The following CERS6 variants were observed in gnomAD, a reference collection of about 807,000 sequenced individuals.
The protein encoded by CERS6 is ceramide synthase 6.
Under a neutral mutation model 56.8 loss-of-function variants are expected in CERS6, and 26 were observed. That is an observed-to-expected ratio of 0.46 (90% CI 0.34 to 0.63). The LOEUF (loss-of-function observed/expected upper bound fraction) is 0.63, where lower values mean the gene tolerates loss of function less well. Among genes scored for constraint, CERS6 ranks in the 30% least tolerant of loss-of-function variants. The pLI, the probability that CERS6 is intolerant of heterozygous loss-of-function variation, is 0.01. For missense variants in CERS6, 415 were observed against 467.5 expected, an observed-to-expected ratio of 0.89 and a Z score of 1.04; for synonymous variants, 164 against 173.3, an observed-to-expected ratio of 0.95 and a Z score of 0.42.
At chr2:168,575,553 C>G (rs1406631520) in intron 3 of CERS6, among the ~76,000 whole-genome samples, 1 of 152,056 alleles carries the variant, frequency 6.6e-6, no homozygotes, top group Non-Finnish European at 1.5e-5. Context: ...GGATTATATT[C>G]TGAGATGAGA....
chr2:168,531,058 A>G (rs985518145), intron 1 of CERS6, among the ~76,000 whole-genome samples: 10 of 152,228 alleles, frequency 6.6e-5, no homozygotes, highest in African/African-American at 2.4e-4. Context: ...AAAAAAAATT[A>G]AAGTTAGAAA....
chr2:168,675,997 T>A (rs1274355419), intron 4 of CERS6, among the ~76,000 whole-genome samples: 3 of 152,176 alleles, frequency 2.0e-5, no homozygotes, highest in Non-Finnish European at 4.4e-5. Flanking sequence ...AATAACCATT[T>A]TCTAAAACAA....
chr2:168,638,451 T>A (rs1684912289), intron 4 of CERS6, among the ~76,000 whole-genome samples: 1 of 151,172 alleles, frequency 6.6e-6, no homozygotes, highest in Non-Finnish European at 1.5e-5. Flanking sequence ...GTATCAAAAA[T>A]AAAACACATT....
chr2:168,604,851 CT>C (rs1215463660), intron 3 of CERS6, among the ~76,000 whole-genome samples: 1 of 152,144 alleles, frequency 6.6e-6, no homozygotes, highest in African/African-American at 2.4e-5. Flanking sequence ...AACCTCTTTT[CT>C]TTATAAATTA....
At chr2:168,469,031 T>C (rs1693932367) in intron 1 of CERS6, among the ~76,000 whole-genome samples, 1 of 152,242 alleles carries the variant, frequency 6.6e-6, no homozygotes. Flanking sequence ...TAGTGGATTA[T>C]CTTAATTTGA....
chr2:168,537,634 G>A (rs567414176), intron 1 of CERS6, among the ~76,000 whole-genome samples: 2 of 152,050 alleles, frequency 1.3e-5, no homozygotes, highest in East Asian at 3.9e-4. Flanking sequence ...GGGTTTCTTT[G>A]TACTCAGACA....
At chr2:168,745,413 T>C (rs1684070230) in intron 8 of CERS6, among the ~76,000 whole-genome samples, 1 of 152,072 alleles carries the variant, frequency 6.6e-6, no homozygotes, top group Non-Finnish European at 1.5e-5. Flanking sequence ...AGCTAATTTT[T>C]TGTATTTTTA....
chr2:168,503,196 C>T (rs781758672), intron 1 of CERS6, among the ~76,000 whole-genome samples: 32 of 152,126 alleles, frequency 2.1e-4, no homozygotes, highest in Non-Finnish European at 3.2e-4. Flanking sequence ...TCCCCTTCTG[C>T]CATGATTCTA....
At chr2:168,649,571 C>G (rs1052772880) in intron 4 of CERS6, among the ~76,000 whole-genome samples, 9 of 151,812 alleles carry the variant, frequency 5.9e-5, no homozygotes, top group African/African-American at 2.2e-4. Flanking sequence ...TTTTTTTAAC[C>G]AAGAAAAGCT....
intron 3 of CERS6, among the ~76,000 whole-genome samples, chr2:168,609,319 T>TA (rs1684129406): frequency 1.3e-5 from 2 of 152,302 alleles, no homozygotes; most frequent in South Asian, 2.1e-4. Flanking sequence ...TTACAAACTT[T>TA]AAAAAAATCT....
intron 1 of CERS6, among the ~76,000 whole-genome samples, chr2:168,475,613 T>C (rs116707655): frequency 0.017 from 2,630 of 152,300 alleles, 71 homozygotes; most frequent in African/African-American, 0.061. Context: ...GGAGTGATTA[T>C]ATATAATATT....
At chr2:168,459,988 C>G (rs184738977) in intron 1 of CERS6, among the ~76,000 whole-genome samples, 1,993 of 152,252 alleles carry the variant, frequency 0.013, 22 homozygotes, top group Non-Finnish European at 0.019. Context: ...GATCGGGAAT[C>G]AGAACACTCA....
intron 4 of CERS6, among the ~76,000 whole-genome samples, chr2:168,669,226 C>G (rs1290702570): frequency 2.0e-5 from 3 of 152,182 alleles, no homozygotes; most frequent in Non-Finnish European, 4.4e-5. Context: ...TTTCCTGGTG[C>G]AAGATGGCTG....
At chr2:168,713,961 G>A (rs1167328960) in intron 6 of CERS6, among the ~76,000 whole-genome samples, 1 of 152,060 alleles carries the variant, frequency 6.6e-6, no homozygotes, top group Non-Finnish European at 1.5e-5. Context: ...GGGCTGCTGT[G>A]GCAAAATACT....
chr2:168,570,940 A>T (rs941159166), intron 3 of CERS6, among the ~76,000 whole-genome samples: 1 of 152,198 alleles, frequency 6.6e-6, no homozygotes, highest in Non-Finnish European at 1.5e-5. Flanking sequence ...CAGAACTCAC[A>T]GGGACAATTG....
chr2:168,519,628 A>G (rs1241642921), intron 1 of CERS6, among the ~76,000 whole-genome samples: 3 of 152,174 alleles, frequency 2.0e-5, no homozygotes, highest in African/African-American at 4.8e-5. Flanking sequence ...TTCTGAGAAC[A>G]TGCAGTATTT....
intron 4 of CERS6, among the ~76,000 whole-genome samples, chr2:168,687,529 T>C (rs1686383062): frequency 6.6e-6 from 1 of 152,192 alleles, no homozygotes; most frequent in Non-Finnish European, 1.5e-5. Flanking sequence ...TGTTCTTTTA[T>C]AAATCTTTAA....
chr2:168,512,191 G>T (rs1312138121), intron 1 of CERS6, among the ~76,000 whole-genome samples: 1 of 152,154 alleles, frequency 6.6e-6, no homozygotes, highest in African/African-American at 2.4e-5. Flanking sequence ...GAGGAAAATG[G>T]TTAGTTACTA....
intron 8 of CERS6, among the ~76,000 whole-genome samples, chr2:168,755,936 C>G (rs543979311): frequency 6.6e-6 from 1 of 152,184 alleles, no homozygotes; most frequent in Non-Finnish European, 1.5e-5. Flanking sequence ...TTTTTCTCAC[C>G]TCTGCAAAAC....
Sources: gnomAD v4.1 joint callset for allele counts (sites outside exome capture counted in the v4.1 genomes callset) on GRCh38, gnomAD v4.1.1 for gene constraint, MANE v1.5 for transcripts, NCBI Gene and HGNC (gene_info 2026-07-23, HGNC 2026-07-21) for gene names.